KHDRBS1: variants seen among roughly 807,000 people sequenced by gnomAD.
KHDRBS1 encodes KH domain-containing, RNA-binding, signal transduction-associated protein 1.
KHDRBS1 carries 7 observed loss-of-function variants against 48.4 expected under a neutral mutation model. The observed-to-expected ratio is 0.14, with a 90% CI of 0.08 to 0.27. The LOEUF (loss-of-function observed/expected upper bound fraction) is 0.27. KHDRBS1 is among the 10% of genes least tolerant of loss of function. The pLI is 1.00. For synonymous variants in KHDRBS1, 241 were observed against 235.8 expected (o/e 1.02, Z -0.20); for missense variants, 458 against 601.2 (o/e 0.76, Z 2.49).
chr1:32,038,312 C>G (rs1639222521), intron 6 of KHDRBS1, among the ~76,000 whole-genome samples: 1 of 152,096 alleles, frequency 6.6e-6, no homozygotes, highest in African/African-American at 2.4e-5. Flanking sequence ...AATACTAAAG[C>G]TCGATTTTGT....
Position 32,033,151 on chromosome 1 carries a change from A to T in KHDRBS1, c.625-37A>T. 1.9e-6 allele frequency: 3 copies of T among 1,586,774 alleles called. No individual in the cohort carries two copies. In the African/African-American group the frequency reaches 4.0e-5, roughly 21 times the overall value. On this transcript the variant is annotated intron_variant, in intron 3 of 8. Transcript: ENST00000327300. The stretch of plus-strand genomic sequence containing the variant: ...GAGGTAAAGGTGGTGTTTTCTCCCT[A>T]GTCCATGGTGTGACATTTCTCTGCA...
At chr1:32,020,573 C>G (rs963517790) in intron 1 of KHDRBS1, among the ~76,000 whole-genome samples, 2 of 150,638 alleles carry the variant, frequency 1.3e-5, no homozygotes, top group Non-Finnish European at 2.9e-5. Flanking sequence ...CCAAATGCCT[C>G]CAATAAACTG....
chr1:32,035,961 G>A (rs1639169026), intron 4 of KHDRBS1, among the ~76,000 whole-genome samples: 2 of 151,972 alleles, frequency 1.3e-5, no homozygotes, highest in Admixed American at 1.3e-4. Context: ...AATCCCTCAG[G>A]TGGACAAAAA....
At chr1:32,036,195 G>A (rs1369147633) in intron 4 of KHDRBS1, among the ~76,000 whole-genome samples, 9 of 125,556 alleles carry the variant, frequency 7.2e-5, no homozygotes, top group Non-Finnish European at 1.4e-4. Context: ...TTTTTGAGAT[G>A]GAGTCTCTCT....
Position 32,039,548 on chromosome 1 carries a change from G to A in KHDRBS1, c.1209G>A (p.Glu403=), listed in dbSNP as rs746616601. ...AATATTATGACTATGGACATGGGGAGGTTCAAGATTCTTATGAAGCTTATG... is the reference window on the plus strand; with the variant it reads ...AATATTATGACTATGGACATGGGGAAGTTCAAGATTCTTATGAAGCTTATG... ...DSEYYDYGHG[E]VQDSYEAYGQ... Residue 403 remains glutamate, a synonymous_variant, in exon 8 of 9, where the codon GAG becomes GAA. Coordinates refer to ENST00000327300, the MANE Select transcript of KHDRBS1 (RefSeq NM_006559.3). The A allele has an allele frequency of 1.3e-6, 2 of 1,535,116 alleles. No individual in the cohort carries two copies. The highest frequency in any genetic ancestry group is 1.8e-6 in the Non-Finnish European group (2 of 1,108,022).
Position 32,031,559 on chromosome 1 carries a change from G to A in KHDRBS1, c.543G>A (p.Gly181=). 1 of 1,610,516 alleles carries A rather than the reference G, an allele frequency of 6.2e-7. No individual in the cohort carries two copies. Among genetic ancestry groups the A allele is most frequent in the South Asian group, 1.1e-5 (1 of 90,290 alleles). The part of the protein sequence containing the change: ...NFVGKILGPQ[G]NTIKRLQEET... ...TGGGGAAGATTCTTGGACCACAAGG[G>A]AATACAATCAAAAGACTGCAGGAAG... Residue 181 remains glycine (G), a synonymous_variant, in exon 3 of 9, where the codon GGG becomes GGA. Transcript: ENST00000327300.
At chr1:32,029,361 T>A (rs188195236) in intron 1 of KHDRBS1, among the ~76,000 whole-genome samples, 1 of 152,330 alleles carries the variant, frequency 6.6e-6, no homozygotes, top group East Asian at 1.9e-4. Context: ...AATGTTTTTT[T>A]AAAAAGTACC....
At chr1:32,050,798 G>A (rs1639409552) in intron 10 of KHDRBS1, among the ~76,000 whole-genome samples, 1 of 152,070 alleles carries the variant, frequency 6.6e-6, no homozygotes, top group Non-Finnish European at 1.5e-5. Context: ...AAGATTACAG[G>A]TGTAAGCCAC....
chr1:32,042,356 C>T (rs1027956684), intron 8 of KHDRBS1, among the ~76,000 whole-genome samples, 171 bp from the exon 9 acceptor site: 1 of 152,176 alleles, frequency 6.6e-6, no homozygotes, highest in Admixed American at 6.5e-5. Flanking sequence ...AAAAATTGCC[C>T]AGGCTGCCCA....
In KHDRBS1 at chr1:32,037,895, C is replaced by T. The variant is rs371598208; in HGVS notation, c.966C>T (p.Ala322=). Residue 322 remains alanine (A), a synonymous_variant, in exon 6 of 9, where the codon GCC becomes GCT. Transcript: ENST00000327300. Reference sequence around the variant, plus strand: ...TACGTGGTACACCAGTAAGGGGAGCCATCACCAGAGGTGCCACTGTGACTC... The same window carrying T: ...TACGTGGTACACCAGTAAGGGGAGCTATCACCAGAGGTGCCACTGTGACTC... ...ALVRGTPVRG[A]ITRGATVTRG... The T allele has an allele frequency of 1.9e-5, 30 of 1,614,120 alleles. No homozygotes were observed. The highest frequency in any genetic ancestry group is 5.3e-5 in the African/African-American group (4 of 74,946).
chr1:32,049,710 G>A (rs1639395136), intron 10 of KHDRBS1, among the ~76,000 whole-genome samples: 1 of 149,346 alleles, frequency 6.7e-6, no homozygotes, highest in Non-Finnish European at 1.5e-5. Context: ...CGCCCAGGCT[G>A]GAGTGCAGTG....
chr1:32,027,679 G>T (rs1293060227), intron 1 of KHDRBS1, among the ~76,000 whole-genome samples: 1 of 152,128 alleles, frequency 6.6e-6, no homozygotes, highest in Non-Finnish European at 1.5e-5. Context: ...TTAGTTCATG[G>T]TATAGTATAG....
At chr1:32,042,406 A>T in intron 8 of KHDRBS1, 121 bp from the exon 9 acceptor site, 2 of 649,742 alleles carry the variant, frequency 3.1e-6, no homozygotes, top group Admixed American at 2.6e-5. Context: ...ACACCAGGGG[A>T]AGTGTCAAGA....
intron 1 of KHDRBS1, 99 bp downstream of exon 1, chr1:32,014,476 GCAGTCGGGAGTTCCGGTCT>G (rs1469473936): frequency 1.7e-6 from 2 of 1,175,830 alleles, no homozygotes; most frequent in Non-Finnish European, 2.2e-6. Flanking sequence ...CGGGACCGAG[GCAGTCGGGAGTTCCGGTCT>G]CATCCTCATT....
Position 32,030,290 on chromosome 1 carries a change from C to A in KHDRBS1, c.383-8C>A. 1.9e-6 allele frequency: 3 copies of A among 1,597,420 alleles called. No homozygotes were observed. The highest frequency in any genetic ancestry group is 2.6e-6 in the Non-Finnish European group (3 of 1,173,902). On this transcript the variant is annotated splice_polypyrimidine_tract_variant and splice_region_variant and intron_variant, in intron 1 of 8. Transcript: ENST00000327300. Reference sequence around the variant, plus strand: ...CCAGGGCAAAAATAAATTGTTTTTCCTATTCAGAAATTGAGAAGATTCAGA... The same window carrying A: ...CCAGGGCAAAAATAAATTGTTTTTCATATTCAGAAATTGAGAAGATTCAGA...
intron 1 of KHDRBS1, among the ~76,000 whole-genome samples, chr1:32,015,698 G>A (rs989563025): frequency 2.0e-5 from 3 of 152,154 alleles, no homozygotes; most frequent in Admixed American, 1.3e-4. Flanking sequence ...TTGGAGAAAT[G>A]TGATTGAGGT....
intron 1 of KHDRBS1, among the ~76,000 whole-genome samples, chr1:32,025,155 A>G (rs1053874234): frequency 4.6e-5 from 7 of 151,432 alleles, no homozygotes; most frequent in African/African-American, 1.5e-4. Context: ...GGTTGCACCT[A>G]CTGGGGGTGC....
chr1:32,059,171 AAAAAAAAAAAAAAC>A (rs1471375260), intron 10 of KHDRBS1, among the ~76,000 whole-genome samples: 1 of 151,248 alleles, frequency 6.6e-6, no homozygotes, highest in Non-Finnish European at 1.5e-5. Flanking sequence ...AGGAGAAAAA[AAAAAAAAAAAAAAC>A]AAAACCTTTT....
rs1209699730 is a variant in KHDRBS1 at position 32,033,201 on chromosome 1, G to A, written c.638G>A (p.Arg213His). 4 of 1,613,750 alleles carry A rather than the reference G, an allele frequency of 2.5e-6. No individual in the cohort carries two copies. Among genetic ancestry groups the A allele is most frequent in the Non-Finnish European group, 1.7e-6 (2 of 1,179,686 alleles). The change falls in exon 4 of 9, where the codon CGC becomes CAC. Residue 213 changes from arginine to histidine, a missense_variant. Physicochemically the swap from Arg to His is conservative, Grantham distance 29. Coordinates refer to ENST00000327300, the MANE Select transcript of KHDRBS1 (RefSeq NM_006559.3). ...MRDKAKEEEL[R>H]KGGDPKYAHL... is the part of the protein sequence containing the mutation. Reference sequence around the variant, plus strand: ...ATTTTTCCATAGGAGGAAGAGCTGCGCAAAGGTGGAGACCCCAAATATGCC... The same window carrying A: ...ATTTTTCCATAGGAGGAAGAGCTGCACAAAGGTGGAGACCCCAAATATGCC...
Sources: allele counts gnomAD v4.1 joint callset (sites outside exome capture counted in the v4.1 genomes callset), GRCh38; gene constraint gnomAD v4.1.1; transcripts MANE v1.5; gene names NCBI Gene and HGNC (gene_info 2026-07-23, HGNC 2026-07-21).